The following SLC24A2 variants were observed in gnomAD, a reference collection of about 807,000 sequenced individuals.
SLC24A2 encodes solute carrier family 24 member 2.
Under a neutral mutation model 62.0 loss-of-function variants are expected in SLC24A2, and 36 were observed. The ratio of observed to expected loss-of-function variants is 0.58; its 90% CI spans 0.44 to 0.77. The LOEUF (loss-of-function observed/expected upper bound fraction) is 0.77. Among genes scored for constraint, SLC24A2 ranks in the 30% least tolerant of loss-of-function variants. The pLI, the probability that SLC24A2 is intolerant of heterozygous loss-of-function variation, is 0.00. For missense variants in SLC24A2, 846 were observed against 817.9 expected (o/e 1.03, Z -0.42); for synonymous variants, 358 against 294.0 (o/e 1.22, Z -2.23).
the SLC24A2 span, among the ~76,000 whole-genome samples, chr9:19,897,120 A>C: frequency 6.6e-6 from 1 of 152,158 alleles, no homozygotes; most frequent in Non-Finnish European, 1.5e-5. Context: ...TCCAGTCGTC[A>C]TTGGGACTAT....
the SLC24A2 span, among the ~76,000 whole-genome samples, chr9:20,107,462 C>A: frequency 1.3e-5 from 2 of 152,052 alleles, no homozygotes; most frequent in Admixed American, 6.6e-5. Flanking sequence ...AGGCTACAGT[C>A]ACCAAAACAG....
rs939319097 is a variant in SLC24A2, at chr9:19,588,170, CTTTTTTTCT to C, written c.1129+9050_1129+9058del. Among the ~76,000 whole-genome samples the C allele has an allele frequency of 3.0e-4, 25 of 82,562 alleles. No individual in the cohort carries two copies. The East Asian group carries it at 4.8e-3, about 16-fold the overall frequency. The allele number at this position is 82,562 out of a possible 152,430, so 54.2% of individuals were successfully genotyped here. On this transcript the variant is annotated intron_variant, in intron 5 of 10. Coordinates refer to ENST00000341998, the MANE Select transcript of SLC24A2 (RefSeq NM_020344.4). ...GTACTGGTTCAATACAGTTTTTTTTCTTTTTTTCTTTTTTTTTTTTTTTTCTGGATAAGG... is the reference window on the plus strand; with the variant it reads ...GTACTGGTTCAATACAGTTTTTTTTCTTTTTTTTTTTTTTTCTGGATAAGG...
At chr9:19,574,787 G>A (rs139346789) in intron 6 of SLC24A2, among the ~76,000 whole-genome samples, 1 of 152,112 alleles carries the variant, frequency 6.6e-6, no homozygotes, top group East Asian at 1.9e-4. Flanking sequence ...GAACTTCATC[G>A]CGAGGGAAAT....
the SLC24A2 span, among the ~76,000 whole-genome samples, chr9:20,142,054 G>A: frequency 6.6e-6 from 1 of 152,126 alleles, no homozygotes; most frequent in Admixed American, 6.5e-5. Flanking sequence ...CTGCACTCCA[G>A]CCTGGATGAC....
the SLC24A2 span, among the ~76,000 whole-genome samples, chr9:20,055,356 T>C: frequency 6.6e-6 from 1 of 152,228 alleles, no homozygotes; most frequent in Non-Finnish European, 1.5e-5. Context: ...ATTTTAAACA[T>C]TTTATCTAGC....
At chr9:19,940,449 T>C in the SLC24A2 span, among the ~76,000 whole-genome samples, 4 of 152,164 alleles carry the variant, frequency 2.6e-5, no homozygotes, top group Non-Finnish European at 4.4e-5. Flanking sequence ...TGACCTTAGG[T>C]AAATTGTATG....
the SLC24A2 span, among the ~76,000 whole-genome samples, chr9:19,963,133 A>C: frequency 4.0e-5 from 6 of 150,442 alleles, no homozygotes; most frequent in East Asian, 3.9e-4. Flanking sequence ...TTCCCTATTT[A>C]ATAAATGGTG....
At chr9:19,596,811 T>A (rs1448210328) in intron 5 of SLC24A2, among the ~76,000 whole-genome samples, 2 of 152,220 alleles carry the variant, frequency 1.3e-5, no homozygotes, top group Admixed American at 1.3e-4. Flanking sequence ...ATACTTCAGA[T>A]CTTTCATTCC....
chr9:19,975,604 C>T, the SLC24A2 span, among the ~76,000 whole-genome samples: 14 of 152,112 alleles, frequency 9.2e-5, no homozygotes, highest in East Asian at 7.7e-4. Flanking sequence ...AAGTGCCAGG[C>T]GTATAGTAGG....
chr9:19,623,369 G>C (rs985816853), intron 2 of SLC24A2, among the ~76,000 whole-genome samples: 1 of 152,188 alleles, frequency 6.6e-6, no homozygotes, highest in Non-Finnish European at 1.5e-5. Flanking sequence ...ACTTGGAGGA[G>C]AGTAGCCAGA....
chr9:20,120,338 A>G, the SLC24A2 span, among the ~76,000 whole-genome samples: 20 of 152,314 alleles, frequency 1.3e-4, no homozygotes, highest in South Asian at 4.1e-3. Flanking sequence ...GGATAAAGAA[A>G]ATGTGGTACA....
chr9:19,686,155 A>G (rs1819874782), intron 2 of SLC24A2, among the ~76,000 whole-genome samples: 1 of 152,184 alleles, frequency 6.6e-6, no homozygotes, highest in African/African-American at 2.4e-5. Flanking sequence ...GAAGCATATG[A>G]AAAAATGCTC....
the SLC24A2 span, among the ~76,000 whole-genome samples, chr9:19,958,955 C>A: frequency 0.014 from 2,088 of 152,224 alleles, 55 homozygotes; most frequent in African/African-American, 0.042. Context: ...TCCACATGCA[C>A]CCTAAGTCTG....
At chr9:19,688,545 T>C (rs950674898) in intron 2 of SLC24A2, among the ~76,000 whole-genome samples, 9 of 149,698 alleles carry the variant, frequency 6.0e-5, no homozygotes, top group Admixed American at 5.3e-4. Context: ...GAAAAACAAA[T>C]AAACAAACAA....
the SLC24A2 span, among the ~76,000 whole-genome samples, chr9:20,185,195 C>T: frequency 6.6e-6 from 1 of 151,926 alleles, no homozygotes; most frequent in Non-Finnish European, 1.5e-5. Context: ...TATACTTAAC[C>T]GTGTATCGTA....
chr9:19,689,211 C>T (rs1819971620), intron 2 of SLC24A2, among the ~76,000 whole-genome samples: 3 of 152,040 alleles, frequency 2.0e-5, no homozygotes, highest in African/African-American at 7.2e-5. Context: ...TTTCTTGGCT[C>T]CTTAGCCAGT....
chr9:19,615,181 G>A (rs1817732809), intron 4 of SLC24A2, among the ~76,000 whole-genome samples: 2 of 152,210 alleles, frequency 1.3e-5, no homozygotes, highest in Admixed American at 1.3e-4. Context: ...AAAGGGGAAT[G>A]TGTTTCTGTA....
At chr9:19,973,577 A>G in the SLC24A2 span, among the ~76,000 whole-genome samples, 6 of 152,236 alleles carry the variant, frequency 3.9e-5, no homozygotes, top group African/African-American at 1.4e-4. Flanking sequence ...TCTTGGCATC[A>G]TGCTAATATT....
chr9:19,539,172 T>C (rs1834126182), intron 8 of SLC24A2, among the ~76,000 whole-genome samples: 1 of 71,022 alleles, frequency 1.4e-5, no homozygotes, highest in South Asian at 6.5e-4. Context: ...GATTCATTGA[T>C]TTTTTGAAGG....
Sources: gnomAD v4.1 joint callset for allele counts (sites outside exome capture counted in the v4.1 genomes callset) on GRCh38, gnomAD v4.1.1 for gene constraint, MANE v1.5 for transcripts, NCBI Gene and HGNC (gene_info 2026-07-23, HGNC 2026-07-21) for gene names.